Variants in PREX1 observed in about 807,000 individuals in gnomAD.
The protein encoded by PREX1 is phosphatidylinositol 3,4,5-trisphosphate-dependent Rac exchanger 1 protein.
In PREX1, 41 loss-of-function variants were observed where a neutral mutation model predicts 198.3. That is an observed-to-expected ratio of 0.21 (90% confidence interval 0.16 to 0.27). The LOEUF (loss-of-function observed/expected upper bound fraction) is 0.27, where lower values mean the gene tolerates loss of function less well. Ranked by LOEUF, PREX1 falls within the 10% of genes least tolerant of loss-of-function variation. The pLI, the probability that PREX1 is intolerant of heterozygous loss-of-function variation, is 1.00. For synonymous variants in PREX1, 843 were observed against 887.2 expected (o/e 0.95, Z 0.89); for missense variants, 1,620 against 2,200.7 (o/e 0.74, Z 5.28).
At chr20:48,732,410 C>T (rs1329492062) in intron 4 of PREX1, among the ~76,000 whole-genome samples, 1 of 151,712 alleles carries the variant, frequency 6.6e-6, no homozygotes, top group African/African-American at 2.4e-5. Context: ...ACTCTGGGAA[C>T]GTGGTTCATA....
Position 48,666,523 on chromosome 20 carries a change from TA to T in PREX1, c.1666-169del, listed in dbSNP as rs796440883. The stretch of plus-strand genomic sequence containing the variant: ...AAACGGGTTTGTGATTATTATTTTT[TA>T]TTATTATTATTATTTTTTTGAGACA... On this transcript the variant is annotated intron_variant, in intron 14 of 39. Transcript: ENST00000371941. The surrounding 1 kb of genome is among the most constrained non-coding windows in gnomAD (Gnocchi z 4.3). Among the ~76,000 whole-genome samples the T allele has an allele frequency of 1.2e-4, 14 of 117,566 alleles. No homozygotes were observed. Among genetic ancestry groups the T allele is most frequent in the African/African-American group, 4.8e-4 (14 of 29,146 alleles). 77.1% of individuals were successfully genotyped at this position (117,566 alleles called of 152,430 possible).
At chr20:48,696,827 C>A (rs2089848963) in intron 7 of PREX1, among the ~76,000 whole-genome samples, 3 of 152,086 alleles carry the variant, frequency 2.0e-5, no homozygotes, top group Non-Finnish European at 4.4e-5. Context: ...CTTCTCCTGC[C>A]TCCAGACTCA....
At chr20:48,669,095 C>T (rs550064385) in intron 14 of PREX1, among the ~76,000 whole-genome samples, 15 of 152,164 alleles carry the variant, frequency 9.9e-5, no homozygotes, top group African/African-American at 2.6e-4. Context: ...CAGAGGAAGC[C>T]GCCACACACG....
At chr20:48,690,358 G>A (rs1040338546) in intron 9 of PREX1, among the ~76,000 whole-genome samples, 1 of 152,174 alleles carries the variant, frequency 6.6e-6, no homozygotes, top group South Asian at 2.1e-4. Context: ...TTTATCAGAT[G>A]AGATCACTGA....
intron 1 of PREX1, among the ~76,000 whole-genome samples, chr20:48,825,803 T>G (rs752961637): frequency 3.3e-5 from 5 of 151,352 alleles, no homozygotes; most frequent in Admixed American, 6.6e-5. Flanking sequence ...GACACCAGGG[T>G]TGTCTACATG....
In PREX1 at chr20:48,827,375, G is replaced by A. The variant is rs1036423713; in HGVS notation, c.219+267C>T. Among the ~76,000 whole-genome samples the A allele has an allele frequency of 6.6e-5, 10 of 152,316 alleles. No individual in the cohort carries two copies. Among genetic ancestry groups the A allele is most frequent in the African/African-American group, 2.4e-4 (10 of 41,586 alleles). On this transcript the variant is annotated intron_variant, in intron 1 of 39. Transcript: ENST00000371941. This position sits in a 1 kb window ranked among gnomAD's most constrained non-coding sequence, Gnocchi z 4.1. ...TTAAAACTATTTGAAAGGCGGGGAC[G>A]GGGAAGAAAAGACAAAAGGGCAGCG...
At chr20:48,791,107 A>C (rs1200513935) in intron 1 of PREX1, among the ~76,000 whole-genome samples, 3 of 152,150 alleles carry the variant, frequency 2.0e-5, no homozygotes, top group African/African-American at 7.2e-5. Flanking sequence ...GCATGCAGAA[A>C]ACGGCACCCC....
intron 3 of PREX1, among the ~76,000 whole-genome samples, chr20:48,740,690 G>A (rs1224479734): frequency 6.6e-6 from 1 of 152,192 alleles, no homozygotes; most frequent in Non-Finnish European, 1.5e-5. Flanking sequence ...GAGCAGGCAG[G>A]AAGAGGCGTG....
intron 1 of PREX1, among the ~76,000 whole-genome samples, chr20:48,749,079 G>A (rs2090122374): frequency 6.6e-6 from 1 of 152,136 alleles, no homozygotes; most frequent in African/African-American, 2.4e-5. Context: ...TATGGGCTGA[G>A]AGAGTCACAG....
chr20:48,637,332 G>C (rs6019333), intron 31 of PREX1, among the ~76,000 whole-genome samples: 1 of 152,218 alleles, frequency 6.6e-6, no homozygotes, highest in Admixed American at 6.5e-5. Flanking sequence ...CTAGAAAGAA[G>C]GCAGGGATAG....
At chr20:48,789,888 G>C (rs1194519848) in intron 1 of PREX1, among the ~76,000 whole-genome samples, 2 of 152,102 alleles carry the variant, frequency 1.3e-5, no homozygotes, top group African/African-American at 2.4e-5. Context: ...GAGATGGATG[G>C]GTGATGGATA....
At chr20:48,638,247 C>G (rs114246490) in intron 30 of PREX1, among the ~76,000 whole-genome samples, 209 of 152,126 alleles carry the variant, frequency 1.4e-3, no homozygotes, top group African/African-American at 5.0e-3. Flanking sequence ...AAGTGCACAC[C>G]ACACACGTGC....
chr20:48,705,429 A>C (rs1433478037), intron 6 of PREX1, among the ~76,000 whole-genome samples: 1 of 152,234 alleles, frequency 6.6e-6, no homozygotes, highest in Non-Finnish European at 1.5e-5. Context: ...AAGTGGCCAA[A>C]ACAAGACTCC....
At chr20:48,783,657 G>C (rs1313379913) in intron 1 of PREX1, among the ~76,000 whole-genome samples, 2 of 152,126 alleles carry the variant, frequency 1.3e-5, no homozygotes, top group Non-Finnish European at 2.9e-5. Flanking sequence ...AAAACCGAGA[G>C]CCCACAGCAC....
intron 1 of PREX1, among the ~76,000 whole-genome samples, chr20:48,757,725 G>A (rs1011697873): frequency 6.6e-6 from 1 of 152,126 alleles, no homozygotes; most frequent in Non-Finnish European, 1.5e-5. Flanking sequence ...CCAGTGAAGG[G>A]GTGGGCACTT....
At chr20:48,879,429 T>C in the PREX1 span, among the ~76,000 whole-genome samples, 2 of 152,144 alleles carry the variant, frequency 1.3e-5, no homozygotes, top group Non-Finnish European at 2.9e-5. Context: ...TAAACAGTAC[T>C]GTTCTGAATC....
chr20:48,684,285 C>A lies in PREX1; in HGVS notation c.1335-2950G>T, dbSNP rs1263922754. On this transcript the variant is annotated intron_variant, in intron 10 of 39. Coordinates refer to ENST00000371941, the MANE Select transcript of PREX1 (RefSeq NM_020820.4). This position sits in a 1 kb window ranked among gnomAD's most constrained non-coding sequence, Gnocchi z 4.2. ...ACCACTTATGACCCAACACAAGAAT[C>A]CCTTGTTCTTGCCTGATTCCTCCAT... Among the ~76,000 whole-genome samples the A allele has an allele frequency of 6.6e-6, 1 of 152,192 alleles. No individual in the cohort carries two copies. The highest frequency in any genetic ancestry group is 2.4e-5 in the African/African-American group (1 of 41,452).
chr20:48,723,040 G>A (rs1241318774), intron 5 of PREX1, among the ~76,000 whole-genome samples: 2 of 152,260 alleles, frequency 1.3e-5, no homozygotes, highest in African/African-American at 4.8e-5. Flanking sequence ...AGCCTGAAAT[G>A]CCAACTGCCT....
intron 16 of PREX1, 127 bp downstream of exon 16, chr20:48,659,791 CT>C: frequency 7.5e-7 from 1 of 1,340,378 alleles, no homozygotes; most frequent in Non-Finnish European, 1.0e-6. Flanking sequence ...CCCCTACCAC[CT>C]AGAATCCACC....
Sources: gnomAD v4.1 joint callset for allele counts (sites outside exome capture counted in the v4.1 genomes callset) on GRCh38, gnomAD v4.1.1 for gene constraint, Gnocchi (gnomAD v3.1) non-coding constraint, MANE v1.5 for transcripts, NCBI Gene and HGNC (gene_info 2026-07-23, HGNC 2026-07-21) for gene names.